The following SUSD6 variants were observed in gnomAD, a reference collection of about 807,000 sequenced individuals.
SUSD6 encodes sushi domain containing 6.
A neutral mutation model predicts 28.4 loss-of-function variants in SUSD6; 16 were observed. That is an observed-to-expected ratio of 0.56 (90% CI 0.38 to 0.86). The LOEUF (loss-of-function observed/expected upper bound fraction) is 0.86, where lower values mean the gene tolerates loss of function less well. Ranked by LOEUF, SUSD6 falls within the 40% of genes least tolerant of loss-of-function variation. The probability of loss-of-function intolerance (pLI) is 0.00; values close to 1 mark genes in which losing one functional copy is unlikely to be tolerated. For synonymous variants in SUSD6, 147 were observed against 159.6 expected, an observed-to-expected ratio of 0.92 and a Z score of 0.59; for missense variants, 341 against 384.2, an observed-to-expected ratio of 0.89 and a Z score of 0.94.
chr14:69,625,246 T>C (rs1218368211), intron 1 of SUSD6, among the ~76,000 whole-genome samples: 1 of 152,228 alleles, frequency 6.6e-6, no homozygotes, highest in African/African-American at 2.4e-5. Context: ...TGATTCTAGA[T>C]GGTTAAGCAG....
intron 2 of SUSD6, 30 bp from the exon 3 acceptor site, chr14:69,703,365 T>C (rs1165578668): frequency 1.9e-6 from 3 of 1,588,542 alleles, no homozygotes; most frequent in Non-Finnish European, 2.6e-6. Flanking sequence ...ACCTCACCAC[T>C]GTACCCCTGC....
intron 4 of SUSD6, 42 bp downstream of exon 4, chr14:69,704,784 A>G (rs1295329605): frequency 6.2e-7 from 1 of 1,602,632 alleles, no homozygotes; most frequent in African/African-American, 1.3e-5. Context: ...GGCAGGTGCA[A>G]GCATTACTGT....
intron 2 of SUSD6, among the ~76,000 whole-genome samples, chr14:69,696,264 T>C (rs1886224172): frequency 6.6e-6 from 1 of 152,232 alleles, no homozygotes; most frequent in South Asian, 2.1e-4. Flanking sequence ...TTAAGCCTTA[T>C]TGTCCTTATC....
rs182935167 is a variant in SUSD6 at position 69,686,515 on chromosome 14, C to T, written c.122-16880C>T. Among the ~76,000 whole-genome samples, 10 of 152,242 alleles carry T rather than the reference C, an allele frequency of 6.6e-5. No individual in the cohort carries two copies. In the East Asian group the frequency reaches 1.2e-3, roughly 18 times the overall value. ...TTTTGACTGTATTAGTCTGTTTTCACGCTGCTGATAAAGACATACCCGAGA... is the reference window on the plus strand; with the variant it reads ...TTTTGACTGTATTAGTCTGTTTTCATGCTGCTGATAAAGACATACCCGAGA... On this transcript the variant is annotated intron_variant, in intron 2 of 5. Coordinates refer to ENST00000342745, the MANE Select transcript of SUSD6 (RefSeq NM_014734.4).
chr14:69,677,167 C>CA (rs1375684498), intron 2 of SUSD6, among the ~76,000 whole-genome samples: 2 of 152,202 alleles, frequency 1.3e-5, no homozygotes, highest in African/African-American at 4.8e-5. Context: ...GTCTGTCTGC[C>CA]AGCTTGATTT....
intron 2 of SUSD6, among the ~76,000 whole-genome samples, chr14:69,699,036 G>C (rs1886274755): frequency 6.6e-6 from 1 of 152,160 alleles, no homozygotes. Flanking sequence ...TTCTTGCCTA[G>C]ACTGTGGCTT....
chr14:69,629,482 A>G (rs191700134), intron 1 of SUSD6, among the ~76,000 whole-genome samples: 28 of 152,292 alleles, frequency 1.8e-4, no homozygotes, highest in East Asian at 1.2e-3. Flanking sequence ...ATTTGGCCCA[A>G]TGGGAGGGTC....
intron 2 of SUSD6, among the ~76,000 whole-genome samples, chr14:69,682,537 C>A (rs1886011576): frequency 6.6e-6 from 1 of 151,986 alleles, no homozygotes; most frequent in African/African-American, 2.4e-5. Context: ...TTAAAACTCT[C>A]CCCAATTAAA....
At chr14:69,676,802 A>G (rs535057273) in intron 2 of SUSD6, among the ~76,000 whole-genome samples, 1 of 152,342 alleles carries the variant, frequency 6.6e-6, no homozygotes, top group African/African-American at 2.4e-5. Flanking sequence ...GTTTGCTAAT[A>G]ATGTAGAACA....
intron 4 of SUSD6, 149 bp downstream of exon 4, chr14:69,704,891 C>G: frequency 2.8e-6 from 2 of 714,688 alleles, no homozygotes; most frequent in South Asian, 3.6e-5. Context: ...GTGTCAAACT[C>G]CTAGATGTGC....
intron 2 of SUSD6, among the ~76,000 whole-genome samples, chr14:69,694,975 C>T (rs1026423805): frequency 6.6e-6 from 1 of 152,152 alleles, no homozygotes; most frequent in South Asian, 2.1e-4. Flanking sequence ...TGTGTTCTCC[C>T]ACCCCAGCTC....
At chr14:69,659,749 C>T (rs1016179467) in intron 2 of SUSD6, among the ~76,000 whole-genome samples, 6 of 152,158 alleles carry the variant, frequency 3.9e-5, no homozygotes, top group African/African-American at 1.4e-4. Context: ...GAATTCCTGA[C>T]CTCAGGTGAT....
chr14:69,613,378 A>G (rs1021459211), intron 1 of SUSD6, among the ~76,000 whole-genome samples: 5 of 152,214 alleles, frequency 3.3e-5, no homozygotes, highest in African/African-American at 1.2e-4. Flanking sequence ...TTTTGATAAA[A>G]TTGAACCTGG....
intron 2 of SUSD6, among the ~76,000 whole-genome samples, chr14:69,697,354 A>G (rs558170398): frequency 1.3e-5 from 2 of 152,232 alleles, no homozygotes; most frequent in Non-Finnish European, 2.9e-5. Context: ...TGCCATGCCT[A>G]ACCTCCTGGG....
intron 1 of SUSD6, among the ~76,000 whole-genome samples, chr14:69,657,021 C>T (rs1169032177): frequency 2.0e-5 from 3 of 152,216 alleles, no homozygotes; most frequent in African/African-American, 7.2e-5. Flanking sequence ...GGGTGAGGAC[C>T]AGTGGCCAGC....
chr14:69,643,943 A>G (rs1039902725), intron 1 of SUSD6, among the ~76,000 whole-genome samples: 1 of 152,188 alleles, frequency 6.6e-6, no homozygotes, highest in African/African-American at 2.4e-5. Flanking sequence ...TCACTAGACT[A>G]CATTGATTGA....
At chr14:69,632,226 G>C (rs923103755) in intron 1 of SUSD6, among the ~76,000 whole-genome samples, 1 of 152,194 alleles carries the variant, frequency 6.6e-6, no homozygotes, top group African/African-American at 2.4e-5. Flanking sequence ...CTATTGCCCT[G>C]CTGCTTCTCT....
chr14:69,693,619 T>A (rs1360543885), intron 2 of SUSD6, among the ~76,000 whole-genome samples: 2 of 152,248 alleles, frequency 1.3e-5, no homozygotes, highest in Non-Finnish European at 2.9e-5. Flanking sequence ...TTTAGTTTGC[T>A]ACATGAAAAT....
At chr14:69,628,258 C>T (rs1216253217) in intron 1 of SUSD6, among the ~76,000 whole-genome samples, 1 of 152,136 alleles carries the variant, frequency 6.6e-6, no homozygotes. Context: ...ACTCTGTTTT[C>T]CCATCCCCTC....
Sources: allele counts gnomAD v4.1 joint callset (sites outside exome capture counted in the v4.1 genomes callset), GRCh38; gene constraint gnomAD v4.1.1; transcripts MANE v1.5; gene names NCBI Gene and HGNC (gene_info 2026-07-23, HGNC 2026-07-21).